LHPP: variants seen among roughly 807,000 people sequenced by gnomAD.
LHPP encodes hLHPP.
A neutral mutation model predicts 30.3 loss-of-function variants in LHPP; 24 were observed. That is an observed-to-expected ratio of 0.79 (90% CI 0.57 to 1.11). The LOEUF (loss-of-function observed/expected upper bound fraction) is 1.11. LHPP is among the 50% of genes most tolerant of loss of function. LHPP has a pLI of 0.00. For synonymous variants in LHPP, 150 were observed against 157.1 expected (o/e 0.95, Z 0.34); for missense variants, 356 against 367.2 (o/e 0.97, Z 0.25).
chr10:124,610,040 G>A (rs1949149053), intron 6 of LHPP, among the ~76,000 whole-genome samples: 1 of 152,242 alleles, frequency 6.6e-6, no homozygotes, highest in African/African-American at 2.4e-5. Flanking sequence ...AGGGTTGCAA[G>A]TGGATATCAA....
intron 2 of LHPP, among the ~76,000 whole-genome samples, chr10:124,487,585 G>C (rs965255480): frequency 1.3e-5 from 2 of 151,982 alleles, no homozygotes; most frequent in Non-Finnish European, 2.9e-5. Context: ...TGAGATTACA[G>C]GCGGCCGCCA....
At chr10:124,559,231 G>T (rs568349360) in intron 6 of LHPP, among the ~76,000 whole-genome samples, 1 of 152,360 alleles carries the variant, frequency 6.6e-6, no homozygotes, top group South Asian at 2.1e-4. Flanking sequence ...CTCTATGGGG[G>T]TGGCTTCTGG....
intron 5 of LHPP, among the ~76,000 whole-genome samples, chr10:124,508,622 T>C (rs1370021095): frequency 6.6e-6 from 1 of 151,960 alleles, no homozygotes; most frequent in Admixed American, 6.6e-5. Context: ...TTTTATTTTC[T>C]TCTCAAAACA....
chr10:124,584,923 A>G (rs1948785285), intron 6 of LHPP, among the ~76,000 whole-genome samples: 1 of 152,136 alleles, frequency 6.6e-6, no homozygotes, highest in African/African-American at 2.4e-5. Context: ...CGCAGTCAAA[A>G]CCCAATCAAA....
chr10:124,501,224 G>A (rs1953887413), intron 5 of LHPP, among the ~76,000 whole-genome samples: 1 of 151,916 alleles, frequency 6.6e-6, no homozygotes, highest in Non-Finnish European at 1.5e-5. Flanking sequence ...ATGGAAAGGA[G>A]ATTAGTGGTT....
intron 5 of LHPP, among the ~76,000 whole-genome samples, chr10:124,515,642 C>T (rs557497857): frequency 6.6e-6 from 1 of 152,332 alleles, no homozygotes; most frequent in East Asian, 1.9e-4. Flanking sequence ...TACTTGAAAA[C>T]AGTTTGATCC....
intron 6 of LHPP, among the ~76,000 whole-genome samples, chr10:124,582,144 A>G (rs576007044): frequency 6.6e-6 from 1 of 152,192 alleles, no homozygotes; most frequent in Non-Finnish European, 1.5e-5. Context: ...GCAGTGGCAC[A>G]ATCACAGCTC....
chr10:124,606,298 G>A lies in LHPP; in HGVS notation c.717-6966G>A, dbSNP rs184588765. On this transcript the variant is annotated intron_variant, in intron 6 of 6. Coordinates refer to ENST00000368842, the MANE Select transcript of LHPP (RefSeq NM_022126.4). ...TTCTCGGGGGGACAGCAGCAAGGACGATGGACGGGAGCAGTGCTCAGCCTT... is the reference window on the plus strand; with the variant it reads ...TTCTCGGGGGGACAGCAGCAAGGACAATGGACGGGAGCAGTGCTCAGCCTT... Among the ~76,000 whole-genome samples the A allele has an allele frequency of 5.1e-3, 782 of 152,264 alleles. 3 individuals carry two copies. Among genetic ancestry groups the A allele is most frequent in the Non-Finnish European group, 8.8e-3 (598 of 68,008 alleles).
At chr10:124,482,759 G>A (rs1017694675) in intron 1 of LHPP, among the ~76,000 whole-genome samples, 1 of 152,074 alleles carries the variant, frequency 6.6e-6, no homozygotes, top group African/African-American at 2.4e-5. Flanking sequence ...TGCTTCCCCA[G>A]GGAGGCCTCC....
intron 1 of LHPP, among the ~76,000 whole-genome samples, chr10:124,473,435 T>G (rs1952848951): frequency 6.6e-6 from 1 of 152,170 alleles, no homozygotes; most frequent in African/African-American, 2.4e-5. Flanking sequence ...GCACCACCTC[T>G]TACCTGTTGC....
Position 124,558,480 on chromosome 10 carries a change from GC to G in LHPP, c.716+41210del, listed in dbSNP as rs375144285. 1.6e-3 allele frequency among the ~76,000 whole-genome samples: 238 copies of G among 152,344 alleles called. 2 individuals are homozygous for G. The highest frequency in any genetic ancestry group is 5.5e-3 in the African/African-American group (227 of 41,594). Reference sequence around the variant, plus strand: ...TGGCCCTCTGAGCTGCTCTGTCCCCGCTTGGCGTTGGAGCGTCTCAGCCTCT... The same window carrying G: ...TGGCCCTCTGAGCTGCTCTGTCCCCGTTGGCGTTGGAGCGTCTCAGCCTCT... On this transcript the variant is annotated intron_variant, in intron 6 of 6. Coordinates refer to ENST00000368842, the MANE Select transcript of LHPP (RefSeq NM_022126.4).
At chr10:124,498,706 C>T (rs1384252664) in intron 5 of LHPP, 1 of 465,186 alleles carries the variant, frequency 2.1e-6, no homozygotes, top group Admixed American at 2.7e-5. Context: ...CATTTGTCAC[C>T]CTGGCTAGAG....
intron 6 of LHPP, among the ~76,000 whole-genome samples, chr10:124,542,175 G>A (rs116103832): frequency 0.013 from 1,924 of 152,272 alleles, 45 homozygotes; most frequent in African/African-American, 0.043. Context: ...TGGGGCTGGC[G>A]TTCGGGCCAG....
chr10:124,545,691 T>G (rs1413940569), intron 6 of LHPP, among the ~76,000 whole-genome samples: 2 of 152,186 alleles, frequency 1.3e-5, no homozygotes, highest in Admixed American at 6.5e-5. Context: ...TGAGTGTGTG[T>G]GCACGCTTGC....
chr10:124,490,091 AG>A (rs1425953948), intron 3 of LHPP: 1 of 158,620 alleles, frequency 6.3e-6, no homozygotes. Flanking sequence ...TCTCTTTGTG[AG>A]TGTCTCTGTC....
At chr10:124,550,047 G>A (rs1289732729) in intron 6 of LHPP, among the ~76,000 whole-genome samples, 2 of 152,278 alleles carry the variant, frequency 1.3e-5, no homozygotes, top group Non-Finnish European at 2.9e-5. Context: ...CTTCCAGCCA[G>A]TGCTGGATCT....
rs75600282 is a variant in LHPP, at chr10:124,545,162, G to C, written c.716+27891G>C. Among the ~76,000 whole-genome samples, 26 of 152,340 alleles carry C rather than the reference G, an allele frequency of 1.7e-4. No individual in the cohort carries two copies. The East Asian group carries it at 4.8e-3, about 28-fold the overall frequency. On this transcript the variant is annotated intron_variant, in intron 6 of 6. Coordinates refer to ENST00000368842, the MANE Select transcript of LHPP (RefSeq NM_022126.4). ...GCCCCGAAGCCCCTTTGCAGTGAAG[G>C]GGGGCTCCTGTGTGCGGCTCCCTCC... is the stretch of plus-strand genomic sequence containing the variant.
chr10:124,606,790 A>G (rs998661327), intron 6 of LHPP, among the ~76,000 whole-genome samples: 1 of 152,176 alleles, frequency 6.6e-6, no homozygotes, highest in African/African-American at 2.4e-5. Flanking sequence ...GCCCGTAGCC[A>G]GGGAAGGGCG....
rs141455866 is a variant in LHPP at position 124,523,853 on chromosome 10, G to A, written c.716+6582G>A. Among the ~76,000 whole-genome samples, 103 of 152,314 alleles carry A rather than the reference G, an allele frequency of 6.8e-4. No homozygotes were observed. The highest frequency in any genetic ancestry group is 2.4e-3 in the African/African-American group (100 of 41,568). ...AGGGAAGGGCACCGGGAACAGGCCTGTGGAAAAATCCACTGTGCAATGAGT... is the reference window on the plus strand; with the variant it reads ...AGGGAAGGGCACCGGGAACAGGCCTATGGAAAAATCCACTGTGCAATGAGT... On this transcript the variant is annotated intron_variant, in intron 6 of 6. Coordinates refer to ENST00000368842, the MANE Select transcript of LHPP (RefSeq NM_022126.4). The surrounding 1 kb of genome is among the most constrained non-coding windows in gnomAD (Gnocchi z 4.2).
Sources: gnomAD v4.1 joint callset for allele counts (sites outside exome capture counted in the v4.1 genomes callset) on GRCh38, gnomAD v4.1.1 for gene constraint, Gnocchi (gnomAD v3.1) non-coding constraint, MANE v1.5 for transcripts, NCBI Gene and HGNC (gene_info 2026-07-23, HGNC 2026-07-21) for gene names.